The following FBRSL1 variants were observed in gnomAD, a reference collection of about 807,000 sequenced individuals.
FBRSL1 encodes the protein fibrosin like 1.
Under a neutral mutation model 89.6 loss-of-function variants are expected in FBRSL1, and 51 were observed. That is an observed-to-expected ratio of 0.57 (90% CI 0.45 to 0.72). The LOEUF (loss-of-function observed/expected upper bound fraction) is 0.72, where lower values mean the gene tolerates loss of function less well. Ranked by LOEUF, FBRSL1 falls within the 30% of genes least tolerant of loss-of-function variation. FBRSL1 has a pLI of 0.00. For missense variants in FBRSL1, 1,618 were observed against 1,451.8 expected (o/e 1.11, Z -1.86); for synonymous variants, 779 against 681.1 (o/e 1.14, Z -2.24).
chr12:132,507,446 C>T, intron 1 of FBRSL1: 2 of 984,118 alleles, frequency 2.0e-6, no homozygotes, highest in Non-Finnish European at 2.4e-6. Flanking sequence ...TGGGGCTGCC[C>T]GATGTCCACC....
chr12:132,537,455 C>T (rs2036858204), intron 4 of FBRSL1, among the ~76,000 whole-genome samples: 1 of 152,162 alleles, frequency 6.6e-6, no homozygotes, highest in South Asian at 2.1e-4. Context: ...GGCCCGTGTC[C>T]CAGGGCGTCG....
At chr12:132,540,961 TG>T (rs34683466) in intron 4 of FBRSL1, among the ~76,000 whole-genome samples, 1 of 152,056 alleles carries the variant, frequency 6.6e-6, no homozygotes, top group Non-Finnish European at 1.5e-5. Flanking sequence ...GCTGTGACAC[TG>T]GGGGTACAGC....
chr12:132,575,042 A>G (rs776198220), intron 14 of FBRSL1, among the ~76,000 whole-genome samples: 27 of 152,056 alleles, frequency 1.8e-4, no homozygotes, highest in African/African-American at 5.8e-4. Flanking sequence ...CCACCAGGCT[A>G]GGAGCTGCGG....
chr12:132,570,680 C>T (rs555739044), intron 8 of FBRSL1, 140 bp downstream of exon 8: 3 of 771,084 alleles, frequency 3.9e-6, no homozygotes, highest in Admixed American at 6.5e-5. Context: ...GTGGTTCCCC[C>T]AGGTGTGCCT....
chr12:132,555,676 G>A (rs981687612), intron 5 of FBRSL1, among the ~76,000 whole-genome samples: 19 of 152,304 alleles, frequency 1.2e-4, no homozygotes, highest in East Asian at 3.9e-4. Context: ...TGCTGACTCC[G>A]GCATCCCTGG....
intron 8 of FBRSL1, among the ~76,000 whole-genome samples, chr12:132,570,812 G>A (rs1329094627): frequency 1.3e-5 from 2 of 151,782 alleles, no homozygotes; most frequent in African/African-American, 4.9e-5. Context: ...CCCTCCTGGG[G>A]CCAGGCCTCC....
intron 2 of FBRSL1, chr12:132,510,689 AACCCGC>A (rs1303234270): frequency 8.2e-6 from 10 of 1,224,204 alleles, no homozygotes; most frequent in Non-Finnish European, 1.0e-5. Context: ...AAGAGAGATG[AACCCGC>A]GTCTGCCTGC....
chr12:132,557,186 A>G (rs2038750776), intron 5 of FBRSL1, among the ~76,000 whole-genome samples: 1 of 152,212 alleles, frequency 6.6e-6, no homozygotes, highest in Non-Finnish European at 1.5e-5. Flanking sequence ...ACGATGGCAG[A>G]CGCAGTTACA....
At chr12:132,562,752 C>T (rs2039242001) in intron 5 of FBRSL1, among the ~76,000 whole-genome samples, 1 of 152,114 alleles carries the variant, frequency 6.6e-6, no homozygotes, top group Non-Finnish European at 1.5e-5. Context: ...GTGGGTGTGG[C>T]AGGCCCGCCT....
At position 132,583,104 on chromosome 12, in the gene FBRSL1, G is replaced by C; in HGVS notation, c.2335G>C (p.Glu779Gln). The change falls in exon 19 of 19, where the codon GAA becomes CAA. Residue 779 changes from glutamate to glutamine, a missense_variant. Transcript: ENST00000680143. ...RSGAPAEREA[E>Q]PRVKESRSPA... Reference sequence around the variant, plus strand: ...CGGGGCCCCCGCGGAGCGCGAGGCCGAACCTCGGGTCAAGGAGAGCCGCTC... The same window carrying C: ...CGGGGCCCCCGCGGAGCGCGAGGCCCAACCTCGGGTCAAGGAGAGCCGCTC... The C allele has an allele frequency of 2.7e-6, 4 of 1,455,430 alleles. No homozygotes were observed. Among genetic ancestry groups the C allele is most frequent in the Non-Finnish European group, 3.6e-6 (4 of 1,107,348 alleles). 90.2% of individuals were successfully genotyped at this position (1,455,430 alleles called of 1,614,324 possible).
intron 10 of FBRSL1, 44 bp from the exon 11 acceptor site, chr12:132,572,483 T>G (rs1593561193): frequency 6.6e-7 from 1 of 1,504,102 alleles, no homozygotes; most frequent in East Asian, 2.5e-5. Flanking sequence ...GAGGGTGGGG[T>G]GAGGACTTGG....
chr12:132,535,849 TGA>T (rs1213012298), intron 4 of FBRSL1, among the ~76,000 whole-genome samples: 4 of 149,296 alleles, frequency 2.7e-5, no homozygotes, highest in Admixed American at 6.6e-5. Flanking sequence ...CCATGGTGTG[TGA>T]GTGCACGTGT....
rs1287509390 is a variant in FBRSL1, at chr12:132,525,671, G to T, written c.490-63G>T. The stretch of plus-strand genomic sequence containing the variant: ...GAGCAGGCATGTAGCCCTAGCCAGG[G>T]GGCCCCGATGCGGACGCGGTGAGGT... On this transcript the variant is annotated intron_variant, in intron 2 of 18. Coordinates refer to ENST00000680143, the MANE Select transcript of FBRSL1 (RefSeq NM_001367871.1). 4 of 1,397,798 alleles carry T rather than the reference G, an allele frequency of 2.9e-6. No homozygotes were observed. In the African/African-American group the frequency reaches 5.7e-5, roughly 20 times the overall value. 86.6% of individuals were successfully genotyped at this position (1,397,798 alleles called of 1,614,324 possible).
intron 1 of FBRSL1, chr12:132,507,118 C>G (rs571019614): frequency 2.4e-6 from 2 of 832,356 alleles, no homozygotes; most frequent in Non-Finnish European, 2.9e-6. Flanking sequence ...TGGCTCTATG[C>G]GGGGGCGGGT....
At chr12:132,490,974 C>A in intron 1 of FBRSL1, 113 bp downstream of exon 1, 1 of 865,544 alleles carries the variant, frequency 1.2e-6, no homozygotes, top group Non-Finnish European at 1.4e-6. Context: ...CGTGGGCAGC[C>A]CTGAGGGAAG....
intron 4 of FBRSL1, among the ~76,000 whole-genome samples, chr12:132,541,299 T>TGGGC (rs2137202717): frequency 6.6e-6 from 1 of 152,286 alleles, no homozygotes; most frequent in Admixed American, 6.5e-5. Flanking sequence ...GCCCCACCCA[T>TGGGC]CCATTCTATG....
At chr12:132,518,097 G>A (rs1304896455) in intron 2 of FBRSL1, among the ~76,000 whole-genome samples, 1 of 152,108 alleles carries the variant, frequency 6.6e-6, no homozygotes, top group East Asian at 1.9e-4. Context: ...CACAGGCAGG[G>A]CCTTGCAGAC....
intron 1 of FBRSL1, among the ~76,000 whole-genome samples, chr12:132,492,504 T>C (rs1200024530): frequency 6.6e-6 from 1 of 152,098 alleles, no homozygotes; most frequent in Non-Finnish European, 1.5e-5. Flanking sequence ...CGGGAAGAGC[T>C]CGATGTGTAG....
rs567635833 is a variant in FBRSL1 at position 132,566,032 on chromosome 12, C to T, written c.646-1449C>T. 7.2e-5 allele frequency: 11 copies of T among 152,262 alleles called. No individual in the cohort carries two copies. The East Asian group carries it at 9.6e-4, about 13-fold the overall frequency. The allele number at this position is 152,262 out of a possible 1,614,324, so 9.4% of individuals were successfully genotyped here. A position where few individuals can be genotyped will look rare whatever the true frequency, so the allele number is the denominator to read the frequency against. On this transcript the variant is annotated intron_variant, in intron 5 of 18. Coordinates refer to ENST00000680143, the MANE Select transcript of FBRSL1 (RefSeq NM_001367871.1). Reference sequence around the variant, plus strand: ...ACGCTAGTGAATTGTAAGCGTTAGACGGTGAGTTGGATGGTATGTGATTTA... The same window carrying T: ...ACGCTAGTGAATTGTAAGCGTTAGATGGTGAGTTGGATGGTATGTGATTTA...
Sources: gnomAD v4.1 joint callset for allele counts (sites outside exome capture counted in the v4.1 genomes callset) on GRCh38, gnomAD v4.1.1 for gene constraint, MANE v1.5 for transcripts, NCBI Gene and HGNC (gene_info 2026-07-23, HGNC 2026-07-21) for gene names.